Variants in CSMD1 observed in about 807,000 individuals in gnomAD.
CSMD1 encodes the protein CUB and Sushi multiple domains 1, also known as CUB and sushi domain-containing protein 1.
CSMD1 carries 213 observed loss-of-function variants against 417.5 expected under a neutral mutation model. The ratio of observed to expected loss-of-function variants is 0.51; its 90% CI spans 0.46 to 0.57. The LOEUF (loss-of-function observed/expected upper bound fraction) is 0.57, where lower values mean the gene tolerates loss of function less well. Ranked by LOEUF, CSMD1 falls within the 20% of genes least tolerant of loss-of-function variation. The probability of loss-of-function intolerance (pLI) is 0.00; values close to 1 mark genes in which losing one functional copy is unlikely to be tolerated. For missense variants in CSMD1, 6,923 were observed against 4,529.7 expected (o/e 1.53, Z -15.17); for synonymous variants, 2,862 against 1,736.8 (o/e 1.65, Z -16.11).
In CSMD1 at chr8:3,271,820, G is replaced by C. The variant is rs542103077; in HGVS notation, c.4153+12324C>G. Among the ~76,000 whole-genome samples the C allele has an allele frequency of 7.9e-5, 12 of 152,068 alleles. No individual in the cohort carries two copies. In the East Asian group the frequency reaches 9.7e-4, roughly 12 times the overall value. ...AATTTGTTTGAGTTCATTATAGATT[G>C]TGGATATTAGCCCTTTGTCAGATGA... On this transcript the variant is annotated intron_variant, in intron 26 of 69. Coordinates refer to ENST00000635120, the MANE Select transcript of CSMD1 (RefSeq NM_033225.6).
intron 18 of CSMD1, among the ~76,000 whole-genome samples, chr8:3,378,972 T>G (rs563575896): frequency 6.6e-6 from 1 of 152,216 alleles, no homozygotes; most frequent in African/African-American, 2.4e-5. Flanking sequence ...TGTTTGGAGA[T>G]GACATGATTG....
At position 3,682,260 on chromosome 8, in the gene CSMD1, A is replaced by C. The variant is rs112315391; in HGVS notation, c.1009+26154T>G. On this transcript the variant is annotated intron_variant, in intron 7 of 69. Transcript: ENST00000635120. ...ACCATCAGAGTGAACAGGCAACCTAAAAAATGGGATAAAATTTTTGCAATC... is the reference window on the plus strand; with the variant it reads ...ACCATCAGAGTGAACAGGCAACCTACAAAATGGGATAAAATTTTTGCAATC... 4.4e-3 allele frequency among the ~76,000 whole-genome samples: 674 copies of C among 152,252 alleles called. 10 individuals carry two copies. Among genetic ancestry groups the C allele is most frequent in the Admixed American group, 0.026 (393 of 15,270 alleles).
At chr8:3,854,159 T>TAATA (rs1804127893) in intron 5 of CSMD1, among the ~76,000 whole-genome samples, 1 of 139,554 alleles carries the variant, frequency 7.2e-6, no homozygotes, top group East Asian at 2.0e-4. Flanking sequence ...ATAATAATAA[T>TAATA]AAAAAAAAAA....
chr8:3,681,881 A>G (rs1274101140), intron 7 of CSMD1, among the ~76,000 whole-genome samples: 1 of 152,176 alleles, frequency 6.6e-6, no homozygotes, highest in African/African-American at 2.4e-5. Context: ...CTCAGAAATA[A>G]TACCACACAT....
chr8:3,001,094 C>T (rs965207709), intron 52 of CSMD1, among the ~76,000 whole-genome samples: 2 of 152,032 alleles, frequency 1.3e-5, no homozygotes, highest in African/African-American at 4.8e-5. Flanking sequence ...ATCTTTTGGC[C>T]TCAGCCTCCT....
At chr8:4,563,969 C>G (rs1003515076) in intron 2 of CSMD1, among the ~76,000 whole-genome samples, 2 of 152,164 alleles carry the variant, frequency 1.3e-5, no homozygotes, top group Non-Finnish European at 2.9e-5. Flanking sequence ...ATTGTTTTAG[C>G]TGTTGAACAT....
At chr8:4,910,722 G>A (rs1164451590) in intron 1 of CSMD1, among the ~76,000 whole-genome samples, 1 of 152,278 alleles carries the variant, frequency 6.6e-6, no homozygotes, top group South Asian at 2.1e-4. Context: ...CTTTGTAAGT[G>A]TTAAAAAATA....
chr8:3,194,967 G>C (rs1796621200), intron 33 of CSMD1, among the ~76,000 whole-genome samples: 1 of 152,096 alleles, frequency 6.6e-6, no homozygotes, highest in African/African-American at 2.4e-5. Context: ...ACATTTACAA[G>C]CTGGGCACTG....
At chr8:4,327,102 G>A (rs1396741347) in intron 3 of CSMD1, among the ~76,000 whole-genome samples, 1 of 152,134 alleles carries the variant, frequency 6.6e-6, no homozygotes, top group Non-Finnish European at 1.5e-5. Flanking sequence ...TTGAACAGGA[G>A]AGGGGAATCC....
chr8:4,275,821 T>C (rs1796453256), intron 3 of CSMD1, among the ~76,000 whole-genome samples: 2 of 152,236 alleles, frequency 1.3e-5, no homozygotes, highest in Admixed American at 6.5e-5. Context: ...TCTATACTAA[T>C]GAAAGTGATA....
chr8:4,833,285 C>A (rs1800259833), intron 1 of CSMD1, among the ~76,000 whole-genome samples: 2 of 152,186 alleles, frequency 1.3e-5, no homozygotes, highest in South Asian at 4.2e-4. Context: ...AACTTACAAC[C>A]ATGGCAGAAG....
At chr8:3,641,024 C>CTTTTTTTTTTTTTTTTTT (rs34851559) in intron 7 of CSMD1, among the ~76,000 whole-genome samples, 3 of 102,716 alleles carry the variant, frequency 2.9e-5, no homozygotes, top group Non-Finnish European at 5.7e-5. Flanking sequence ...TCCTTTTTTC[C>CTTTTTTTTTTTTTTTTTT]TTTTTTTTTT....
Position 4,470,016 on chromosome 8 carries a change from C to T in CSMD1, c.303-49951G>A, listed in dbSNP as rs541339458. Among the ~76,000 whole-genome samples the T allele has an allele frequency of 2.6e-5, 4 of 151,992 alleles. No individual in the cohort carries two copies. In the East Asian group the frequency reaches 7.8e-4, roughly 30 times the overall value. On this transcript the variant is annotated intron_variant, in intron 2 of 69. Coordinates refer to ENST00000635120, the MANE Select transcript of CSMD1 (RefSeq NM_033225.6). ...CCGAGTAGCTGGGATTACAGGCGCC[C>T]GCTAACATGCCCGGCTAATTTCTTT... is the stretch of plus-strand genomic sequence containing the variant.
chr8:4,450,233 T>A (rs1425736396), intron 2 of CSMD1, among the ~76,000 whole-genome samples: 5 of 152,184 alleles, frequency 3.3e-5, no homozygotes, highest in African/African-American at 4.8e-5. Flanking sequence ...GAGACTAAGA[T>A]GAAAGCAAAG....
chr8:3,928,297 A>C (rs1464125967), intron 5 of CSMD1, among the ~76,000 whole-genome samples: 1 of 152,196 alleles, frequency 6.6e-6, no homozygotes. Flanking sequence ...TGATTATTCA[A>C]CTTCTTGAAT....
chr8:3,659,631 G>C (rs528279696), intron 7 of CSMD1, among the ~76,000 whole-genome samples: 1 of 152,196 alleles, frequency 6.6e-6, no homozygotes, highest in Non-Finnish European at 1.5e-5. Context: ...GAGAAGGGTA[G>C]TGGTGATGTG....
chr8:3,795,363 G>GTA lies in CSMD1; in HGVS notation c.819-41323_819-41322dup, dbSNP rs1165927153. ...GTAGATATAGATATATATCTATCAT[G>GTA]TATATAGATATATATCATGTATAGA... On this transcript the variant is annotated intron_variant, in intron 5 of 69. Coordinates refer to ENST00000635120, the MANE Select transcript of CSMD1 (RefSeq NM_033225.6). Among the ~76,000 whole-genome samples, 16 of 43,238 alleles carry GTA rather than the reference G, an allele frequency of 3.7e-4. 7 individuals are homozygous for GTA. The highest frequency in any genetic ancestry group is 6.6e-4 in the Non-Finnish European group (14 of 21,122). 28.4% of individuals were successfully genotyped at this position (43,238 alleles called of 152,430 possible). A position where few individuals can be genotyped will look rare whatever the true frequency, so the allele number is the denominator to read the frequency against.
intron 3 of CSMD1, among the ~76,000 whole-genome samples, chr8:4,292,304 G>C (rs1000878929): frequency 2.6e-5 from 4 of 152,154 alleles, no homozygotes; most frequent in South Asian, 2.1e-4. Flanking sequence ...CCAGGCTGGA[G>C]TGCAGTGTCG....
chr8:3,789,443 T>A (rs1224911373), intron 5 of CSMD1, among the ~76,000 whole-genome samples: 27 of 1,796 alleles, frequency 0.015, no homozygotes, highest in Non-Finnish European at 0.078. Context: ...TTTTTAAGTG[T>A]TTTTTTTTTT....
Sources: gnomAD v4.1 joint callset for allele counts (sites outside exome capture counted in the v4.1 genomes callset) on GRCh38, gnomAD v4.1.1 for gene constraint, MANE v1.5 for transcripts, NCBI Gene and HGNC (gene_info 2026-07-23, HGNC 2026-07-21) for gene names.